FOXP1: variants seen among roughly 807,000 people sequenced by gnomAD.
FOXP1 encodes the protein forkhead box protein P1.
A neutral mutation model predicts 98.2 loss-of-function variants in FOXP1; 15 were observed. The ratio of observed to expected loss-of-function variants is 0.15; its 90% CI spans 0.10 to 0.24. FOXP1 has a LOEUF of 0.24. Ranked by LOEUF, FOXP1 falls within the 10% of genes least tolerant of loss-of-function variation. The pLI, the probability that FOXP1 is intolerant of heterozygous loss-of-function variation, is 1.00. For missense variants in FOXP1, 633 were observed against 848.5 expected (o/e 0.75, Z 3.15); for synonymous variants, 371 against 314.5 (o/e 1.18, Z -1.90).
In FOXP1 at chr3:71,410,894, G is replaced by A. The variant is rs184815256; in HGVS notation, c.-167-51650C>T. Among the ~76,000 whole-genome samples, 21 of 152,020 alleles carry A rather than the reference G, an allele frequency of 1.4e-4. No individual in the cohort carries two copies. In the East Asian group the frequency reaches 3.7e-3, roughly 27 times the overall value. The stretch of plus-strand genomic sequence containing the variant: ...ATGGCTGGTATTTGTCTATTTCCTC[G>A]CCTACTGCTCATGTTAGAAGCTGAC... On this transcript the variant is annotated intron_variant, in intron 3 of 20. Transcript: ENST00000649528.
intron 3 of FOXP1, among the ~76,000 whole-genome samples, chr3:71,390,461 A>C (rs2080948972): frequency 6.6e-6 from 1 of 152,006 alleles, no homozygotes; most frequent in African/African-American, 2.4e-5. Context: ...TGTAAACCAA[A>C]GGCAGAAAGC....
intron 3 of FOXP1, among the ~76,000 whole-genome samples, chr3:71,370,605 C>G (rs1055873858): frequency 2.6e-5 from 4 of 152,114 alleles, no homozygotes; most frequent in Admixed American, 6.5e-5. Context: ...TGCTATAGCC[C>G]TTTATTGTGT....
At chr3:71,152,998 T>C (rs1161670259) in intron 6 of FOXP1, among the ~76,000 whole-genome samples, 1 of 152,152 alleles carries the variant, frequency 6.6e-6, no homozygotes, top group African/African-American at 2.4e-5. Context: ...CGGCAGGCAC[T>C]CCCAAGTCAC....
chr3:71,115,317 T>TA (rs1376178177), intron 6 of FOXP1, among the ~76,000 whole-genome samples: 10 of 144,124 alleles, frequency 6.9e-5, no homozygotes, highest in African/African-American at 2.6e-4. Context: ...ATTATTATTA[T>TA]TTTATTTATT....
chr3:71,146,242 C>G (rs1161194416), intron 6 of FOXP1, among the ~76,000 whole-genome samples: 2 of 152,074 alleles, frequency 1.3e-5, no homozygotes, highest in African/African-American at 4.8e-5. Context: ...CTGAACCATC[C>G]CAGGTAATAA....
intron 5 of FOXP1, among the ~76,000 whole-genome samples, chr3:71,287,937 A>G (rs543329563): frequency 1.3e-3 from 192 of 151,794 alleles, no homozygotes; most frequent in African/African-American, 4.2e-3. Context: ...CTGGAGTGCA[A>G]TGGCACGATC....
intron 2 of FOXP1, among the ~76,000 whole-genome samples, chr3:71,521,801 G>A (rs551352315): frequency 2.5e-4 from 38 of 152,304 alleles, no homozygotes; most frequent in Non-Finnish European, 4.9e-4. Context: ...AGCAACAACA[G>A]GGTGAGGCCA....
intron 14 of FOXP1, among the ~76,000 whole-genome samples, chr3:70,979,277 CTCAAAAAAAAAAAA>C: frequency 2.1e-5 from 1 of 47,146 alleles, no homozygotes; most frequent in African/African-American, 1.1e-4. Flanking sequence ...GAGACTCTAC[CTCAAAAAAAAAAAA>C]AAAAAAAAAA....
At chr3:71,120,214 A>G (rs1262711934) in intron 6 of FOXP1, among the ~76,000 whole-genome samples, 2 of 152,218 alleles carry the variant, frequency 1.3e-5, no homozygotes, top group African/African-American at 2.4e-5. Flanking sequence ...ACTCTATGAT[A>G]CTGCAAATAA....
intron 2 of FOXP1, chr3:71,574,396 G>C (rs954580708): frequency 6.6e-6 from 1 of 152,126 alleles, no homozygotes; most frequent in Non-Finnish European, 1.5e-5. Context: ...TAACTCTTTT[G>C]ATCTTAGTGG....
intron 12 of FOXP1, among the ~76,000 whole-genome samples, chr3:71,010,478 G>A (rs1432553694): frequency 6.6e-6 from 1 of 152,040 alleles, no homozygotes; most frequent in Non-Finnish European, 1.5e-5. Flanking sequence ...AAGCATTTCG[G>A]GACTATGCCT....
At chr3:71,471,480 C>T (rs2089340786) in intron 3 of FOXP1, among the ~76,000 whole-genome samples, 1 of 152,112 alleles carries the variant, frequency 6.6e-6, no homozygotes, top group Non-Finnish European at 1.5e-5. Context: ...CACCAATAAT[C>T]ACCCAGAGTA....
At chr3:71,581,968 A>C in intron 1 of FOXP1, 1 of 863,508 alleles carries the variant, frequency 1.2e-6, no homozygotes, top group Non-Finnish European at 1.4e-6. Flanking sequence ...AGGAGGGGGG[A>C]GGAATAGGGA....
chr3:71,163,952 C>T (rs2061274569), intron 6 of FOXP1, among the ~76,000 whole-genome samples: 1 of 152,134 alleles, frequency 6.6e-6, no homozygotes, highest in African/African-American at 2.4e-5. Context: ...TGCTCTCCTT[C>T]ACAATGGCGA....
intron 6 of FOXP1, among the ~76,000 whole-genome samples, chr3:71,186,516 T>A (rs2062654699): frequency 6.6e-6 from 1 of 152,138 alleles, no homozygotes; most frequent in Non-Finnish European, 1.5e-5. Flanking sequence ...ATCGAGACCA[T>A]CCTGGCCAAC....
At chr3:71,096,721 T>A (rs900963492) in intron 7 of FOXP1, among the ~76,000 whole-genome samples, 2 of 152,190 alleles carry the variant, frequency 1.3e-5, no homozygotes, top group East Asian at 3.9e-4. Flanking sequence ...TGAAGTGTTT[T>A]AATGTAATAC....
chr3:71,157,604 T>C (rs1225203487), intron 6 of FOXP1, among the ~76,000 whole-genome samples: 1 of 152,232 alleles, frequency 6.6e-6, no homozygotes, highest in Non-Finnish European at 1.5e-5. Flanking sequence ...GCCAGTAATA[T>C]CCAGTGTACT....
intron 14 of FOXP1, among the ~76,000 whole-genome samples, chr3:70,978,254 T>A (rs926539326): frequency 1.3e-5 from 2 of 152,188 alleles, no homozygotes; most frequent in African/African-American, 4.8e-5. Context: ...GGCTGCTACA[T>A]GGGTGTTTAC....
At chr3:71,133,259 T>A (rs2059660151) in intron 6 of FOXP1, among the ~76,000 whole-genome samples, 2 of 152,238 alleles carry the variant, frequency 1.3e-5, no homozygotes, top group Admixed American at 6.5e-5. Context: ...AAGACCTTCA[T>A]TAGTATAATT....
Sources: gnomAD v4.1 joint callset for allele counts (sites outside exome capture counted in the v4.1 genomes callset) on GRCh38, gnomAD v4.1.1 for gene constraint, MANE v1.5 for transcripts, NCBI Gene and HGNC (gene_info 2026-07-23, HGNC 2026-07-21) for gene names.